NOS1AP: variants seen among roughly 807,000 people sequenced by gnomAD.
The protein encoded by NOS1AP is carboxyl-terminal PDZ ligand of neuronal nitric oxide synthase protein.
In NOS1AP, 21 loss-of-function variants were observed where a neutral mutation model predicts 56.2. That is an observed-to-expected ratio of 0.37 (90% CI 0.26 to 0.54). The LOEUF is 0.54. NOS1AP is among the 20% of genes least tolerant of loss of function. NOS1AP has a pLI of 0.84. For missense variants in NOS1AP, 522 were observed against 657.8 expected (o/e 0.79, Z 2.26); for synonymous variants, 270 against 274.6 (o/e 0.98, Z 0.17).
chr1:162,159,499 C>G (rs969166049), intron 2 of NOS1AP, among the ~76,000 whole-genome samples: 2 of 152,104 alleles, frequency 1.3e-5, no homozygotes, highest in African/African-American at 4.8e-5. Flanking sequence ...CAGATAAATA[C>G]CCTGAGAGAT....
intron 2 of NOS1AP, among the ~76,000 whole-genome samples, chr1:162,190,502 G>A (rs1259364071): frequency 6.6e-6 from 1 of 151,988 alleles, no homozygotes; most frequent in Non-Finnish European, 1.5e-5. Context: ...CAAATAATGT[G>A]CATATTCATG....
intron 1 of NOS1AP, among the ~76,000 whole-genome samples, chr1:162,126,010 T>C (rs985247164): frequency 2.0e-5 from 3 of 152,322 alleles, no homozygotes; most frequent in African/African-American, 4.8e-5. Flanking sequence ...AATATATTTC[T>C]AGATATTTAT....
intron 1 of NOS1AP, among the ~76,000 whole-genome samples, chr1:162,127,588 G>A (rs1219480477): frequency 1.3e-5 from 2 of 151,614 alleles, no homozygotes; most frequent in African/African-American, 4.8e-5. Context: ...GAAGATTGAT[G>A]TTGGCATCTT....
At chr1:162,325,673 T>C (rs891688636) in intron 4 of NOS1AP, among the ~76,000 whole-genome samples, 58 of 152,262 alleles carry the variant, frequency 3.8e-4, no homozygotes, top group African/African-American at 1.3e-3. Flanking sequence ...AGGTTGATTC[T>C]GTTTTCCGAC....
chr1:162,218,456 G>T (rs188018865), intron 2 of NOS1AP, among the ~76,000 whole-genome samples: 59 of 152,296 alleles, frequency 3.9e-4, no homozygotes, highest in African/African-American at 1.3e-3. Context: ...ATCGCAGTAA[G>T]GGTTTTATAA....
chr1:162,298,199 C>A (rs928555271), intron 3 of NOS1AP, among the ~76,000 whole-genome samples: 9 of 152,362 alleles, frequency 5.9e-5, no homozygotes, highest in East Asian at 5.8e-4. Flanking sequence ...CCCAACACCC[C>A]CTCCAGGTGG....
chr1:162,359,384 C>T (rs1292494185), intron 8 of NOS1AP, among the ~76,000 whole-genome samples: 2 of 152,200 alleles, frequency 1.3e-5, no homozygotes, highest in African/African-American at 2.4e-5. Flanking sequence ...CCTCTGTCTG[C>T]CATGCCCATC....
intron 9 of NOS1AP, 51 bp downstream of exon 9, chr1:162,365,620 G>A: frequency 1.9e-6 from 3 of 1,599,626 alleles, no homozygotes; most frequent in Non-Finnish European, 2.5e-6. Context: ...GCTCTGGAAA[G>A]AGTGTCACTT....
intron 2 of NOS1AP, among the ~76,000 whole-genome samples, chr1:162,212,328 C>T (rs2101648050): frequency 6.6e-6 from 1 of 152,332 alleles, no homozygotes; most frequent in Middle Eastern, 3.4e-3. Flanking sequence ...ACTCTTAATT[C>T]AGGTGACAGT....
chr1:162,320,789 G>A (rs1418420660), intron 4 of NOS1AP, among the ~76,000 whole-genome samples: 1 of 152,178 alleles, frequency 6.6e-6, no homozygotes, highest in Non-Finnish European at 1.5e-5. Flanking sequence ...GGGAGGTGGA[G>A]GTTGTAGTGA....
chr1:162,316,002 A>G (rs931414120), intron 4 of NOS1AP, among the ~76,000 whole-genome samples: 2 of 152,208 alleles, frequency 1.3e-5, no homozygotes, highest in African/African-American at 4.8e-5. Flanking sequence ...AATAGGGCTC[A>G]ATACGTATTT....
intron 2 of NOS1AP, among the ~76,000 whole-genome samples, chr1:162,255,816 C>G (rs1253945429): frequency 2.0e-5 from 3 of 152,228 alleles, no homozygotes; most frequent in Admixed American, 6.5e-5. Context: ...AGCACTAACC[C>G]AGTCTTTATG....
chr1:162,242,247 C>T lies in NOS1AP; in HGVS notation c.178-45097C>T, dbSNP rs150679412. On this transcript the variant is annotated intron_variant, in intron 2 of 9. Coordinates refer to ENST00000361897, the MANE Select transcript of NOS1AP (RefSeq NM_014697.3). The stretch of plus-strand genomic sequence containing the variant: ...AAACATGTCTGCAAATTCTTTGAGA[C>T]TCATCTCATTGAAAGATGGAGTTTG... 1.1e-4 allele frequency among the ~76,000 whole-genome samples: 16 copies of T among 152,292 alleles called. 1 individual carries two copies. The East Asian group carries it at 3.1e-3, about 29-fold the overall frequency.
chr1:162,192,720 TA>T (rs1217247022), intron 2 of NOS1AP, among the ~76,000 whole-genome samples: 3 of 152,222 alleles, frequency 2.0e-5, no homozygotes, highest in Non-Finnish European at 4.4e-5. Flanking sequence ...ATTTTTAAAA[TA>T]ATTTAATCTA....
chr1:162,281,863 G>A (rs994313328), intron 2 of NOS1AP, among the ~76,000 whole-genome samples: 4 of 152,220 alleles, frequency 2.6e-5, no homozygotes, highest in Non-Finnish European at 4.4e-5. Context: ...GCTCACGCCT[G>A]TAATCCAAGC....
chr1:162,121,888 G>A (rs954390815), intron 1 of NOS1AP, among the ~76,000 whole-genome samples: 4 of 152,076 alleles, frequency 2.6e-5, no homozygotes, highest in African/African-American at 4.8e-5. Flanking sequence ...TTGAATGTTC[G>A]CAGTTGGGGC....
At chr1:162,174,180 C>T (rs1461513013) in intron 2 of NOS1AP, among the ~76,000 whole-genome samples, 3 of 151,954 alleles carry the variant, frequency 2.0e-5, no homozygotes, top group Admixed American at 6.6e-5. Flanking sequence ...CAATGATAGA[C>T]TGGATTAAGA....
chr1:162,311,910 A>G lies in NOS1AP; in HGVS notation c.344+11204A>G, dbSNP rs1444549228. Reference sequence around the variant, plus strand: ...ATCCATGTCCCTACAAAGGACATGAACTCATCATTTTTTATGGCTGCATAG... The same window carrying G: ...ATCCATGTCCCTACAAAGGACATGAGCTCATCATTTTTTATGGCTGCATAG... On this transcript the variant is annotated intron_variant, in intron 4 of 9. Transcript: ENST00000361897. Among the ~76,000 whole-genome samples, 3 of 126,078 alleles carry G rather than the reference A, an allele frequency of 2.4e-5. No individual in the cohort carries two copies. In the East Asian group the frequency reaches 7.2e-4, roughly 30 times the overall value. 82.7% of individuals were successfully genotyped at this position (126,078 alleles called of 152,430 possible).
At chr1:162,192,489 G>A (rs547313636) in intron 2 of NOS1AP, among the ~76,000 whole-genome samples, 8 of 152,294 alleles carry the variant, frequency 5.3e-5, no homozygotes, top group South Asian at 2.1e-4. Flanking sequence ...TCAGAACAAG[G>A]AATACAAGTG....
Sources: allele counts gnomAD v4.1 joint callset (sites outside exome capture counted in the v4.1 genomes callset), GRCh38; gene constraint gnomAD v4.1.1; transcripts MANE v1.5; gene names NCBI Gene and HGNC (gene_info 2026-07-23, HGNC 2026-07-21).